Variants in CNTNAP2 observed in about 807,000 individuals in gnomAD.
The protein encoded by CNTNAP2 is contactin associated protein 2.
A neutral mutation model predicts 155.2 loss-of-function variants in CNTNAP2; 98 were observed. The ratio of observed to expected loss-of-function variants is 0.63; its 90% CI spans 0.54 to 0.75. The LOEUF is 0.75. CNTNAP2 is among the 30% of genes least tolerant of loss of function. CNTNAP2 has a pLI of 0.00. For missense variants in CNTNAP2, 1,727 were observed against 1,688.1 expected, an observed-to-expected ratio of 1.02 and a Z score of -0.40; for synonymous variants, 651 against 631.2, an observed-to-expected ratio of 1.03 and a Z score of -0.47.
intron 2 of CNTNAP2, among the ~76,000 whole-genome samples, chr7:146,827,519 CAGAG>C (rs1290813877): frequency 3.4e-5 from 5 of 147,704 alleles, no homozygotes; most frequent in African/African-American, 5.0e-5. Context: ...TTTTTTATAT[CAGAG>C]AGAATAACAT....
chr7:146,561,092 A>C (rs1356737054), intron 1 of CNTNAP2, among the ~76,000 whole-genome samples: 1 of 152,216 alleles, frequency 6.6e-6, no homozygotes, highest in Non-Finnish European at 1.5e-5. Context: ...CAAAGGTAGA[A>C]AGAAATTGCC....
At chr7:146,997,344 G>T (rs1421797904) in intron 3 of CNTNAP2, among the ~76,000 whole-genome samples, 1 of 152,076 alleles carries the variant, frequency 6.6e-6, no homozygotes, top group Non-Finnish European at 1.5e-5. Context: ...TATTTTTGTT[G>T]TCCACTCTGT....
chr7:147,398,309 G>A (rs1386403048), intron 10 of CNTNAP2, among the ~76,000 whole-genome samples: 1 of 151,600 alleles, frequency 6.6e-6, no homozygotes, highest in Non-Finnish European at 1.5e-5. Context: ...TTTCTTTTCA[G>A]ATTACCCAAA....
Position 147,541,853 on chromosome 7 carries a change from T to A in CNTNAP2, c.1778-20285T>A, listed in dbSNP as rs142344794. 3.8e-3 allele frequency among the ~76,000 whole-genome samples: 572 copies of A among 152,276 alleles called. 3 individuals are homozygous for A. Among genetic ancestry groups the A allele is most frequent in the African/African-American group, 0.013 (534 of 41,548 alleles). The stretch of plus-strand genomic sequence containing the variant: ...TAGTTTATATATGTGCCCCACTTAA[T>A]CATTAGCGATTTAGGTGAAATCATC... On this transcript the variant is annotated intron_variant, in intron 11 of 23. Transcript: ENST00000361727.
At chr7:148,098,445 A>G (rs1016564464) in intron 15 of CNTNAP2, among the ~76,000 whole-genome samples, 5 of 15,270 alleles carry the variant, frequency 3.3e-4, no homozygotes, top group African/African-American at 1.0e-3. Context: ...TCTGTCTCAG[A>G]AAAAAAAAAA....
intron 20 of CNTNAP2, among the ~76,000 whole-genome samples, chr7:148,259,355 C>CA (rs1211859755): frequency 1.3e-3 from 157 of 124,866 alleles, no homozygotes; most frequent in South Asian, 4.5e-3. Flanking sequence ...GACCCTGCCT[C>CA]AAAAAAAAAA....
chr7:146,799,587 T>C (rs950406498), intron 2 of CNTNAP2, among the ~76,000 whole-genome samples: 2 of 152,198 alleles, frequency 1.3e-5, no homozygotes, highest in Admixed American at 6.5e-5. Context: ...CTAAGATTGG[T>C]CATTTTCAAG....
chr7:147,678,235 G>A (rs1283411276), intron 13 of CNTNAP2, among the ~76,000 whole-genome samples: 2 of 151,626 alleles, frequency 1.3e-5, no homozygotes, highest in Non-Finnish European at 3.0e-5. Flanking sequence ...TCATTGCCTT[G>A]CAGCAGTTTT....
intron 3 of CNTNAP2, among the ~76,000 whole-genome samples, chr7:146,980,633 A>G (rs1563030446): frequency 1.3e-5 from 2 of 152,252 alleles, no homozygotes; most frequent in East Asian, 3.9e-4. Flanking sequence ...GGGAAGGAGA[A>G]ACAGATGTGT....
intron 1 of CNTNAP2, among the ~76,000 whole-genome samples, chr7:146,464,317 A>G (rs1254021447): frequency 6.6e-6 from 1 of 151,934 alleles, no homozygotes; most frequent in East Asian, 1.9e-4. Context: ...CCCTATCAGA[A>G]TATTTAATAA....
chr7:146,835,145 A>T (rs1358607460), intron 2 of CNTNAP2, among the ~76,000 whole-genome samples: 1 of 152,214 alleles, frequency 6.6e-6, no homozygotes, highest in East Asian at 1.9e-4. Context: ...TTTTGCTAAA[A>T]GTAATGAGAT....
At chr7:147,339,633 T>C (rs985796562) in intron 9 of CNTNAP2, among the ~76,000 whole-genome samples, 7 of 152,086 alleles carry the variant, frequency 4.6e-5, no homozygotes, top group African/African-American at 1.7e-4. Flanking sequence ...ATTGTAAAAA[T>C]TATAAAAGAA....
intron 13 of CNTNAP2, among the ~76,000 whole-genome samples, chr7:147,780,605 A>C (rs1367836963): frequency 2.6e-5 from 4 of 152,206 alleles, no homozygotes; most frequent in African/African-American, 9.6e-5. Flanking sequence ...AAGAGGCATG[A>C]AACTACTTTC....
In CNTNAP2 at chr7:147,639,086, G is replaced by T. The variant is rs1446568640; in HGVS notation, c.1898-20G>T. On this transcript the variant is annotated intron_variant, in intron 12 of 23. Transcript: ENST00000361727. ...TTGCATACTAATGATCCAGGGTCCT[G>T]GTTGTTTTTCTCCCCACAGAGGACA... is the stretch of plus-strand genomic sequence containing the variant. 6.2e-7 allele frequency: 1 copy of T among 1,612,246 alleles called. No individual in the cohort carries two copies. The highest frequency in any genetic ancestry group is 8.5e-7 in the Non-Finnish European group (1 of 1,178,578).
At chr7:146,881,240 T>C (rs1240766127) in intron 3 of CNTNAP2, among the ~76,000 whole-genome samples, 1 of 152,140 alleles carries the variant, frequency 6.6e-6, no homozygotes, top group African/African-American at 2.4e-5. Context: ...ATTGGTTTTC[T>C]CAAGAATAAA....
chr7:147,385,843 G>A (rs937266436), intron 9 of CNTNAP2, among the ~76,000 whole-genome samples: 1 of 152,222 alleles, frequency 6.6e-6, no homozygotes, highest in African/African-American at 2.4e-5. Context: ...TCTGTGTGGG[G>A]CCTCTGACCC....
intron 16 of CNTNAP2, among the ~76,000 whole-genome samples, chr7:148,141,261 T>G (rs1805067011): frequency 6.6e-6 from 1 of 152,260 alleles, no homozygotes; most frequent in Non-Finnish European, 1.5e-5. Context: ...AAATTCTGCT[T>G]CTTATTCCAC....
At chr7:146,537,344 T>C (rs1259362700) in intron 1 of CNTNAP2, among the ~76,000 whole-genome samples, 1 of 152,128 alleles carries the variant, frequency 6.6e-6, no homozygotes, top group Non-Finnish European at 1.5e-5. Context: ...TTTTAAAACA[T>C]TAAAATACCT....
intron 19 of CNTNAP2, among the ~76,000 whole-genome samples, chr7:148,225,476 C>A (rs1366862292): frequency 2.0e-5 from 3 of 152,016 alleles, no homozygotes; most frequent in Admixed American, 1.3e-4. Context: ...GAGGAGTGAG[C>A]AAGGAGGAGA....
Sources: gnomAD v4.1 joint callset for allele counts (sites outside exome capture counted in the v4.1 genomes callset) on GRCh38, gnomAD v4.1.1 for gene constraint, MANE v1.5 for transcripts, NCBI Gene and HGNC (gene_info 2026-07-23, HGNC 2026-07-21) for gene names.